PRKAG2: variants seen among roughly 807,000 people sequenced by gnomAD.
PRKAG2 encodes 5'-AMP-activated protein kinase subunit gamma-2.
PRKAG2 carries 26 observed loss-of-function variants against 69.6 expected under a neutral mutation model. The observed-to-expected ratio is 0.37, with a 90% CI of 0.27 to 0.52. PRKAG2 has a LOEUF of 0.52. Ranked by LOEUF, PRKAG2 falls within the 20% of genes least tolerant of loss-of-function variation. The pLI is 0.90. For synonymous variants in PRKAG2, 293 were observed against 285.0 expected (o/e 1.03, Z -0.28); for missense variants, 557 against 740.0 (o/e 0.75, Z 2.87).
chr7:151,740,106 T>C (rs2073768401), intron 3 of PRKAG2, among the ~76,000 whole-genome samples: 1 of 152,218 alleles, frequency 6.6e-6, no homozygotes, highest in Admixed American at 6.5e-5. Flanking sequence ...ACAGTCACCC[T>C]GAACGCCTGC....
intron 3 of PRKAG2, among the ~76,000 whole-genome samples, chr7:151,682,052 G>A (rs967432685): frequency 1.4e-4 from 21 of 152,190 alleles, no homozygotes; most frequent in Admixed American, 2.6e-4. Context: ...TTTCTTCCAT[G>A]CCAGCCAGGA....
rs755596102 is a variant in PRKAG2 at position 151,788,049 on chromosome 7, CA to C, written c.115-1509del. Among the ~76,000 whole-genome samples the C allele has an allele frequency of 6.6e-6, 1 of 152,234 alleles. No individual in the cohort carries two copies. The highest frequency in any genetic ancestry group is 1.5e-5 in the Non-Finnish European group (1 of 68,042). On this transcript the variant is annotated intron_variant, in intron 1 of 15. Transcript: ENST00000287878. This position sits in a 1 kb window ranked among gnomAD's most constrained non-coding sequence, Gnocchi z 4.6. The stretch of plus-strand genomic sequence containing the variant: ...GTAGTGCTTTGCTATGGCAGCCTAG[CA>C]AACCAATATAATAGGTGTACGAATA...
intron 4 of PRKAG2, among the ~76,000 whole-genome samples, chr7:151,637,929 G>A (rs1270088497): frequency 6.6e-6 from 1 of 152,166 alleles, no homozygotes; most frequent in African/African-American, 2.4e-5. Flanking sequence ...GGCAGGCAGG[G>A]AAAGCCGGGA....
intron 5 of PRKAG2, among the ~76,000 whole-genome samples, chr7:151,601,516 A>C (rs564362729): frequency 6.6e-6 from 1 of 152,268 alleles, no homozygotes; most frequent in East Asian, 1.9e-4. Flanking sequence ...AAAATTCAAA[A>C]GAAAGGGTGC....
At chr7:151,856,314 C>A (rs1263992729) in intron 1 of PRKAG2, among the ~76,000 whole-genome samples, 2 of 152,238 alleles carry the variant, frequency 1.3e-5, no homozygotes, top group Non-Finnish European at 1.5e-5. Context: ...CTCCCCGTGG[C>A]GATCTTTCCA....
At chr7:151,797,833 T>C (rs779225711) in intron 1 of PRKAG2, among the ~76,000 whole-genome samples, 2 of 152,212 alleles carry the variant, frequency 1.3e-5, no homozygotes, top group African/African-American at 4.8e-5. Flanking sequence ...CCGCAGCATC[T>C]GGCCACGGCT....
intron 1 of PRKAG2, among the ~76,000 whole-genome samples, chr7:151,821,931 G>A (rs11763613): frequency 0.3 from 45,511 of 151,938 alleles, 7,399 homozygotes; most frequent in Middle Eastern, 0.39. Flanking sequence ...ACACACACGC[G>A]CACATATGCA....
intron 3 of PRKAG2, among the ~76,000 whole-genome samples, chr7:151,748,322 T>G (rs185960795): frequency 3.3e-4 from 50 of 152,308 alleles, no homozygotes; most frequent in African/African-American, 1.1e-3. Context: ...TATATCTGTT[T>G]TATTAAAATT....
chr7:151,560,196 C>T, intron 15 of PRKAG2: 3 of 1,201,912 alleles, frequency 2.5e-6, no homozygotes, highest in Middle Eastern at 3.6e-4. Flanking sequence ...TGTTTCTGGT[C>T]ACTAGTTCTC....
At chr7:151,585,723 C>A (rs985033856) in intron 6 of PRKAG2, among the ~76,000 whole-genome samples, 2 of 152,210 alleles carry the variant, frequency 1.3e-5, no homozygotes, top group African/African-American at 2.4e-5. Flanking sequence ...TCAATGAAAT[C>A]AATATTCAAG....
At chr7:151,577,685 ATTACT>A (rs1809312157) in intron 6 of PRKAG2, among the ~76,000 whole-genome samples, 1 of 152,096 alleles carries the variant, frequency 6.6e-6, no homozygotes, top group African/African-American at 2.4e-5. Flanking sequence ...TCCATGTGAC[ATTACT>A]TCTAATCTTG....
At chr7:151,613,199 C>T (rs531765535) in intron 5 of PRKAG2, among the ~76,000 whole-genome samples, 82 of 152,300 alleles carry the variant, frequency 5.4e-4, no homozygotes, top group Non-Finnish European at 9.8e-4. Flanking sequence ...ATAACTTAAA[C>T]TTTGTTTTCA....
At chr7:151,676,616 G>GTGTA (rs1471958972) in intron 3 of PRKAG2, among the ~76,000 whole-genome samples, 15 of 152,306 alleles carry the variant, frequency 9.8e-5, no homozygotes, top group African/African-American at 3.4e-4. Context: ...TAAGTGGCGA[G>GTGTA]TGTACACCTA....
In PRKAG2 at chr7:151,576,465, AG is replaced by A. The variant is rs750383082; in HGVS notation, c.865-14del. ...AGGCCTTTTTAACCTGAAGAAAAAGAGGAGAAACAAAACATACTTTCAAAGT... is the reference window on the plus strand; with the variant it reads ...AGGCCTTTTTAACCTGAAGAAAAAGAGAGAAACAAAACATACTTTCAAAGT... On this transcript the variant is annotated splice_polypyrimidine_tract_variant and intron_variant, in intron 6 of 15. Transcript: ENST00000287878. 14 of 1,565,664 alleles carry A rather than the reference AG, an allele frequency of 8.9e-6. No individual in the cohort carries two copies. The highest frequency in any genetic ancestry group is 1.2e-5 in the Non-Finnish European group (14 of 1,136,494).
chr7:151,698,918 A>C (rs1330908363), intron 3 of PRKAG2, among the ~76,000 whole-genome samples: 1 of 152,136 alleles, frequency 6.6e-6, no homozygotes, highest in Non-Finnish European at 1.5e-5. Flanking sequence ...GGACCACTCC[A>C]AGCCACCCTG....
In PRKAG2 at chr7:151,805,576, A is replaced by G. The variant is rs2078060234; in HGVS notation, c.115-19035T>C. On this transcript the variant is annotated intron_variant, in intron 1 of 15. Coordinates refer to ENST00000287878, the MANE Select transcript of PRKAG2 (RefSeq NM_016203.4). Reference sequence around the variant, plus strand: ...CATTTCTCTGTTTTTTAATCTAAAAACTGGGAATCATGGGAGTTCCTACTG... The same window carrying G: ...CATTTCTCTGTTTTTTAATCTAAAAGCTGGGAATCATGGGAGTTCCTACTG... 1.3e-5 allele frequency among the ~76,000 whole-genome samples: 2 copies of G among 152,202 alleles called. 1 individual carries two copies. Among genetic ancestry groups the G allele is most frequent in the South Asian group, 4.1e-4 (2 of 4,822 alleles).
chr7:151,632,075 C>T lies in PRKAG2; in HGVS notation c.748G>A (p.Asp250Asn), dbSNP rs1824640507. 1.4e-6 allele frequency: 2 copies of T among 1,407,350 alleles called. No homozygotes were observed. The highest frequency in any genetic ancestry group is 3.2e-5 in the East Asian group (1 of 31,482). 87.2% of individuals were successfully genotyped at this position (1,407,350 alleles called of 1,614,324 possible). A position where few individuals can be genotyped will look rare whatever the true frequency, so the allele number is the denominator to read the frequency against. ...GCGGGCGGGGCGCACTCACCTTCGT[C>T]CTCGAACTCCAGCTTCTCCAGCATG... is the stretch of plus-strand genomic sequence containing the variant. ...AGMLEKLEFEDEAVEDSESGV... is the reference protein window; with the variant it reads ...AGMLEKLEFENEAVEDSESGV... The change falls in exon 5 of 16, where the codon GAC becomes AAC. Residue 250 changes from aspartate to asparagine, a missense_variant. Transcript: ENST00000287878. The surrounding 1 kb of genome is among the most constrained non-coding windows in gnomAD (Gnocchi z 4.2).
intron 3 of PRKAG2, among the ~76,000 whole-genome samples, chr7:151,729,818 C>G (rs966274854): frequency 1.3e-5 from 2 of 152,208 alleles, no homozygotes; most frequent in African/African-American, 4.8e-5. Flanking sequence ...GGCATCCACA[C>G]AGCCCTCTCC....
chr7:151,702,470 G>C (rs966854989), intron 3 of PRKAG2, among the ~76,000 whole-genome samples: 10 of 152,176 alleles, frequency 6.6e-5, no homozygotes, highest in African/African-American at 2.4e-4. Context: ...CCCACAGAGG[G>C]AGCCCCCACG....
Sources: gnomAD v4.1 joint callset for allele counts (sites outside exome capture counted in the v4.1 genomes callset) on GRCh38, gnomAD v4.1.1 for gene constraint, Gnocchi (gnomAD v3.1) non-coding constraint, MANE v1.5 for transcripts, NCBI Gene and HGNC (gene_info 2026-07-23, HGNC 2026-07-21) for gene names.